The following MDFIC variants were observed in gnomAD, a reference collection of about 807,000 sequenced individuals.
The protein encoded by MDFIC is MyoD family inhibitor domain containing.
Under a neutral mutation model 23.2 loss-of-function variants are expected in MDFIC, and 17 were observed. The observed-to-expected ratio is 0.73, with a 90% CI of 0.50 to 1.10. The LOEUF (loss-of-function observed/expected upper bound fraction) is 1.10, where lower values mean the gene tolerates loss of function less well. MDFIC is among the 50% of genes least tolerant of loss of function. MDFIC has a pLI of 0.00. For missense variants in MDFIC, 356 were observed against 316.6 expected (o/e 1.12, Z -0.95); for synonymous variants, 120 against 115.2 (o/e 1.04, Z -0.27).
intron 3 of MDFIC, among the ~76,000 whole-genome samples, chr7:114,972,901 C>T (rs530399409): frequency 1.7e-3 from 266 of 152,220 alleles, no homozygotes; most frequent in Admixed American, 3.4e-3. Context: ...CTGCACCTGG[C>T]TCAGATTGTC....
chr7:114,937,156 T>G (rs1047327860), intron 2 of MDFIC, among the ~76,000 whole-genome samples: 2 of 152,164 alleles, frequency 1.3e-5, no homozygotes, highest in Admixed American at 6.5e-5. Context: ...GAAATTCTAT[T>G]TACCTGAATA....
chr7:114,922,738 A>C, intron 1 of MDFIC, 102 bp downstream of exon 1: 1 of 1,338,598 alleles, frequency 7.5e-7, no homozygotes. Context: ...CGCTGGGTCC[A>C]CCTCGGACCC....
At chr7:114,969,423 A>G (rs1040165985) in intron 3 of MDFIC, among the ~76,000 whole-genome samples, 14 of 152,198 alleles carry the variant, frequency 9.2e-5, no homozygotes, top group Admixed American at 6.6e-5. Context: ...CTTTGTCAGC[A>G]TATATGTGTC....
At chr7:115,003,491 A>G (rs1055029719) in intron 4 of MDFIC, among the ~76,000 whole-genome samples, 1 of 152,136 alleles carries the variant, frequency 6.6e-6, no homozygotes, top group African/African-American at 2.4e-5. Context: ...TCTTCTCATC[A>G]CTGCTTCATC....
chr7:114,967,192 A>G (rs1411517496), intron 3 of MDFIC, among the ~76,000 whole-genome samples: 1 of 152,188 alleles, frequency 6.6e-6, no homozygotes, highest in African/African-American at 2.4e-5. Flanking sequence ...AAGTCAGGTG[A>G]AAAGATTCTG....
intron 4 of MDFIC, among the ~76,000 whole-genome samples, chr7:114,996,329 T>C (rs1791328781): frequency 6.6e-6 from 1 of 152,064 alleles, no homozygotes; most frequent in Admixed American, 6.6e-5. Context: ...CAGAACAAGA[T>C]TTGCTGAAGA....
chr7:114,981,191 A>G (rs915281824), intron 4 of MDFIC, among the ~76,000 whole-genome samples: 6 of 152,214 alleles, frequency 3.9e-5, no homozygotes, highest in African/African-American at 1.4e-4. Flanking sequence ...TACTTGTTTT[A>G]TACATTTGAA....
intron 3 of MDFIC, among the ~76,000 whole-genome samples, chr7:114,944,290 CA>C: frequency 1.3e-5 from 2 of 152,220 alleles, no homozygotes; most frequent in Middle Eastern, 6.8e-3. Flanking sequence ...AATGGATTTA[CA>C]AAAGATACTG....
At chr7:114,987,194 A>G (rs1424727629) in intron 4 of MDFIC, among the ~76,000 whole-genome samples, 3 of 152,218 alleles carry the variant, frequency 2.0e-5, no homozygotes, top group Non-Finnish European at 4.4e-5. Context: ...AAACAACTAC[A>G]TATTCTTGAA....
At chr7:114,986,510 C>T (rs548971679) in intron 4 of MDFIC, among the ~76,000 whole-genome samples, 1 of 152,270 alleles carries the variant, frequency 6.6e-6, no homozygotes, top group East Asian at 1.9e-4. Context: ...AAATATCTTT[C>T]CTTGACCTTA....
intron 4 of MDFIC, among the ~76,000 whole-genome samples, chr7:114,980,781 C>T (rs537109327): frequency 5.9e-5 from 9 of 152,198 alleles, no homozygotes; most frequent in Middle Eastern, 3.4e-3. Flanking sequence ...TGGAATGCCT[C>T]TGTGAAGTTG....
chr7:114,956,997 TG>T (rs1166811381), intron 3 of MDFIC, among the ~76,000 whole-genome samples: 3 of 152,164 alleles, frequency 2.0e-5, no homozygotes, highest in Non-Finnish European at 2.9e-5. Flanking sequence ...TTTTGGAAGT[TG>T]GTTTTTCAAG....
intron 3 of MDFIC, among the ~76,000 whole-genome samples, chr7:114,944,849 T>G: frequency 6.6e-6 from 1 of 152,330 alleles, no homozygotes; most frequent in East Asian, 1.9e-4. Context: ...AGGCCCGAGC[T>G]GGCTCCGATT....
At chr7:114,951,343 T>C (rs1792764711) in intron 3 of MDFIC, among the ~76,000 whole-genome samples, 1 of 147,510 alleles carries the variant, frequency 6.8e-6, no homozygotes, top group Non-Finnish European at 1.5e-5. Flanking sequence ...CTGAAATGAA[T>C]GGAAAAAAAA....
At chr7:114,991,052 GA>G (rs1341116806) in intron 4 of MDFIC, among the ~76,000 whole-genome samples, 1 of 152,004 alleles carries the variant, frequency 6.6e-6, no homozygotes, top group Non-Finnish European at 1.5e-5. Context: ...TAACTGGTGT[GA>G]GATGGTATCT....
In MDFIC at chr7:115,018,993, A is replaced by C. The variant is rs931769436; in HGVS notation, c.*3058A>C. On this transcript the variant is annotated 3_prime_UTR_variant, in exon 5 of 5. Transcript: ENST00000393486. The stretch of plus-strand genomic sequence containing the variant: ...CACAGTGTTCTTTTAAAAATCTATA[A>C]TATGTCAAAATACAAGTTTTTTTTT... 2 of 150,094 alleles carry C rather than the reference A, an allele frequency of 1.3e-5. No homozygotes were observed. The highest frequency in any genetic ancestry group is 6.9e-5 in the Admixed American group (1 of 14,576). The allele number at this position is 150,094 out of a possible 1,614,324, so 9.3% of individuals were successfully genotyped here.
intron 4 of MDFIC, among the ~76,000 whole-genome samples, chr7:115,006,228 C>T (rs774573171): frequency 6.6e-6 from 1 of 152,194 alleles, no homozygotes; most frequent in Non-Finnish European, 1.5e-5. Flanking sequence ...TCTTGCTGAG[C>T]CCTGGCTGGT....
intron 3 of MDFIC, among the ~76,000 whole-genome samples, chr7:114,959,171 A>G (rs1016074362): frequency 6.6e-6 from 1 of 152,220 alleles, no homozygotes; most frequent in Non-Finnish European, 1.5e-5. Flanking sequence ...ACAAAATTAG[A>G]TAACTAAGCT....
intron 3 of MDFIC, among the ~76,000 whole-genome samples, chr7:114,967,115 A>G (rs1473062262): frequency 6.6e-6 from 1 of 152,170 alleles, no homozygotes; most frequent in East Asian, 1.9e-4. Flanking sequence ...TGCAGTTGAA[A>G]TTGCTTGTTG....
Sources: allele counts gnomAD v4.1 joint callset (sites outside exome capture counted in the v4.1 genomes callset), GRCh38; gene constraint gnomAD v4.1.1; transcripts MANE v1.5; gene names NCBI Gene and HGNC (gene_info 2026-07-23, HGNC 2026-07-21).